The following RALGAPA1 variants were observed in gnomAD, a reference collection of about 807,000 sequenced individuals.
RALGAPA1 encodes Ral GTPase activating protein catalytic subunit alpha 1.
RALGAPA1 carries 52 observed loss-of-function variants against 269.6 expected under a neutral mutation model. The observed-to-expected ratio is 0.19, with a 90% CI of 0.15 to 0.24. The LOEUF is 0.24. Ranked by LOEUF, RALGAPA1 falls within the 10% of genes least tolerant of loss-of-function variation. The pLI is 1.00. For missense variants in RALGAPA1, 1,917 were observed against 3,013.9 expected, an observed-to-expected ratio of 0.64 and a Z score of 8.52; for synonymous variants, 817 against 1,008.3, an observed-to-expected ratio of 0.81 and a Z score of 3.60.
At chr14:35,635,398 A>C (rs766254096) in intron 32 of RALGAPA1, 66 bp downstream of exon 32, 1 of 1,445,258 alleles carries the variant, frequency 6.9e-7, no homozygotes, top group Non-Finnish European at 9.2e-7. Context: ...TATACTGAGA[A>C]ATGTTATTTC....
intron 39 of RALGAPA1, among the ~76,000 whole-genome samples, chr14:35,552,382 A>G (rs1852994627): frequency 6.6e-6 from 1 of 152,162 alleles, no homozygotes; most frequent in African/African-American, 2.4e-5. Context: ...CTTACTCCAT[A>G]AAAGGCATCT....
intron 26 of RALGAPA1, among the ~76,000 whole-genome samples, chr14:35,667,796 C>T (rs1474580228): frequency 2.0e-5 from 3 of 152,128 alleles, no homozygotes; most frequent in Non-Finnish European, 2.9e-5. Context: ...CCAGCAATTC[C>T]ACAATTGGAT....
At chr14:35,697,496 C>A (rs1369869790) in intron 17 of RALGAPA1, among the ~76,000 whole-genome samples, 1 of 151,944 alleles carries the variant, frequency 6.6e-6, no homozygotes, top group African/African-American at 2.4e-5. Context: ...CAGGCGCCTG[C>A]CACCAAGCCT....
At chr14:35,735,102 C>G (rs2070859126) in intron 12 of RALGAPA1, among the ~76,000 whole-genome samples, 1 of 151,452 alleles carries the variant, frequency 6.6e-6, no homozygotes, top group Non-Finnish European at 1.5e-5. Flanking sequence ...AACACTTTTA[C>G]ATTGCTGGTG....
chr14:35,785,051 T>G (rs2075701825), intron 1 of RALGAPA1, among the ~76,000 whole-genome samples: 1 of 152,202 alleles, frequency 6.6e-6, no homozygotes. Context: ...GAAACAGTAC[T>G]GCCAGTATTC....
At chr14:35,608,049 G>A (rs934256110) in intron 35 of RALGAPA1, among the ~76,000 whole-genome samples, 10 of 152,148 alleles carry the variant, frequency 6.6e-5, no homozygotes, top group African/African-American at 2.2e-4. Flanking sequence ...CTCCTGGGAA[G>A]CTAAGACTTA....
At chr14:35,576,123 C>A (rs2057543687) in intron 37 of RALGAPA1, among the ~76,000 whole-genome samples, 1 of 152,102 alleles carries the variant, frequency 6.6e-6, no homozygotes, top group Non-Finnish European at 1.5e-5. Context: ...TATTCATTAT[C>A]TTGGGTTATT....
intron 31 of RALGAPA1, among the ~76,000 whole-genome samples, chr14:35,646,606 T>C (rs773151982): frequency 2.6e-5 from 4 of 152,180 alleles, no homozygotes; most frequent in Non-Finnish European, 4.4e-5. Context: ...TTCCATACTA[T>C]AGAAGGCTAA....
intron 35 of RALGAPA1, among the ~76,000 whole-genome samples, chr14:35,612,603 A>G (rs1324456305): frequency 6.6e-6 from 1 of 150,744 alleles, no homozygotes; most frequent in Non-Finnish European, 1.5e-5. Flanking sequence ...CAGTGGCGCA[A>G]TCTCGGCTCA....
chr14:35,700,727 C>T (rs1306788853), intron 16 of RALGAPA1, among the ~76,000 whole-genome samples: 3 of 152,218 alleles, frequency 2.0e-5, no homozygotes, highest in South Asian at 2.1e-4. Flanking sequence ...TTCTTACTAA[C>T]GAGGCTGAAT....
chr14:35,783,551 T>TAA (rs1305391966), intron 1 of RALGAPA1, among the ~76,000 whole-genome samples: 1 of 152,038 alleles, frequency 6.6e-6, no homozygotes, highest in African/African-American at 2.4e-5. Context: ...GCACAAGCAA[T>TAA]AAAAGAAAAA....
At chr14:35,753,851 T>A (rs1227196069) in intron 7 of RALGAPA1, among the ~76,000 whole-genome samples, 1 of 152,170 alleles carries the variant, frequency 6.6e-6, no homozygotes, top group Admixed American at 6.5e-5. Context: ...CATATCTCAA[T>A]AAAGCTGTTT....
chr14:35,651,750 T>G (rs1334150758), intron 31 of RALGAPA1, 55 bp downstream of exon 31: 2 of 1,474,488 alleles, frequency 1.4e-6, no homozygotes, highest in Non-Finnish European at 1.8e-6. Flanking sequence ...AGTTTTGAAA[T>G]GCAAATATTT....
intron 28 of RALGAPA1, among the ~76,000 whole-genome samples, chr14:35,658,591 CT>C (rs929257046): frequency 1.8e-4 from 28 of 151,924 alleles, no homozygotes; most frequent in African/African-American, 6.5e-4. Context: ...AAATCTCAAT[CT>C]TTTTTTGGAA....
At chr14:35,736,141 G>A (rs1350002814) in intron 12 of RALGAPA1, among the ~76,000 whole-genome samples, 1 of 152,210 alleles carries the variant, frequency 6.6e-6, no homozygotes, top group Non-Finnish European at 1.5e-5. Flanking sequence ...ACAAGAGGTA[G>A]TGTGTGTGCT....
chr14:35,601,365 T>C (rs1389928408), intron 36 of RALGAPA1, among the ~76,000 whole-genome samples: 1 of 152,194 alleles, frequency 6.6e-6, no homozygotes, highest in African/African-American at 2.4e-5. Flanking sequence ...TCTGGCACTA[T>C]TTGATACTAG....
intron 39 of RALGAPA1, among the ~76,000 whole-genome samples, chr14:35,558,640 T>A (rs2055859031): frequency 6.6e-6 from 1 of 152,182 alleles, no homozygotes; most frequent in African/African-American, 2.4e-5. Context: ...AGAGAGTAAG[T>A]AAATGTAGAA....
chr14:35,597,209 G>A (rs774310466), intron 36 of RALGAPA1, among the ~76,000 whole-genome samples: 6 of 152,180 alleles, frequency 3.9e-5, no homozygotes, highest in Non-Finnish European at 7.3e-5. Context: ...AGGGCATGTG[G>A]ACTTCTAATT....
chr14:35,785,114 T>C (rs918456706), intron 1 of RALGAPA1, among the ~76,000 whole-genome samples: 7 of 152,220 alleles, frequency 4.6e-5, no homozygotes, highest in Admixed American at 1.3e-4. Flanking sequence ...CATTAAATCA[T>C]TTCCCTAACA....
Sources: allele counts gnomAD v4.1 joint callset (sites outside exome capture counted in the v4.1 genomes callset), GRCh38; gene constraint gnomAD v4.1.1; transcripts MANE v1.5; gene names NCBI Gene and HGNC (gene_info 2026-07-23, HGNC 2026-07-21).